Variants in NOSTRIN observed in about 807,000 individuals in gnomAD.
NOSTRIN encodes BM247 homolog.
In NOSTRIN, 63 loss-of-function variants were observed where a neutral mutation model predicts 59.0. That is an observed-to-expected ratio of 1.07 (90% CI 0.87 to 1.32). NOSTRIN has a LOEUF of 1.32. Among genes scored for constraint, NOSTRIN ranks in the 40% most tolerant of loss-of-function variants. The probability of loss-of-function intolerance (pLI) is 0.00; values close to 1 mark genes in which losing one functional copy is unlikely to be tolerated. For synonymous variants in NOSTRIN, 200 were observed against 165.4 expected (o/e 1.21, Z -1.61); for missense variants, 512 against 473.1 (o/e 1.08, Z -0.76).
upstream of NOSTRIN, among the ~76,000 whole-genome samples, chr2:168,797,379 G>A (rs1173083273): frequency 6.6e-6 from 1 of 152,014 alleles, no homozygotes; most frequent in African/African-American, 2.4e-5. Flanking sequence ...TAACAGGCAT[G>A]AGCTGCCACA....
At chr2:168,804,999 T>A (rs1465403566) in intron 1 of NOSTRIN, among the ~76,000 whole-genome samples, 1 of 152,194 alleles carries the variant, frequency 6.6e-6, no homozygotes, top group Non-Finnish European at 1.5e-5. Context: ...ATTTAGTATG[T>A]TAATAAAAAA....
intron 7 of NOSTRIN, among the ~76,000 whole-genome samples, 182 bp downstream of exon 7, chr2:168,834,507 G>GCGCGCACACACACACACACACACA (rs756381301): frequency 1.6e-5 from 2 of 125,342 alleles, no homozygotes; most frequent in African/African-American, 6.1e-5. Context: ...GCGCGCGCGC[G>GCGCGCACACACACACACACACACA]CACACACACA....
intron 7 of NOSTRIN, among the ~76,000 whole-genome samples, chr2:168,842,417 A>G (rs1258147965): frequency 1.3e-5 from 2 of 152,216 alleles, no homozygotes; most frequent in African/African-American, 4.8e-5. Flanking sequence ...AGTAAGGTTA[A>G]GTAACTTGTT....
chr2:168,840,946 C>T (rs1044594028), intron 7 of NOSTRIN, among the ~76,000 whole-genome samples: 4 of 151,980 alleles, frequency 2.6e-5, no homozygotes, highest in Non-Finnish European at 5.9e-5. Flanking sequence ...CAGGTCATTT[C>T]TAAATAGAGT....
At chr2:168,805,505 A>G (rs1303928036) in intron 1 of NOSTRIN, among the ~76,000 whole-genome samples, 2 of 152,208 alleles carry the variant, frequency 1.3e-5, no homozygotes, top group Non-Finnish European at 2.9e-5. Context: ...TCTCTAAGGG[A>G]AAGAATCCAA....
At chr2:168,824,915 G>A (rs180935712) in intron 3 of NOSTRIN, among the ~76,000 whole-genome samples, 198 bp downstream of exon 3, 1,629 of 151,718 alleles carry the variant, frequency 0.011, 19 homozygotes, top group Non-Finnish European at 0.018. Context: ...AGAGTAGCTG[G>A]GACCATGCCC....
chr2:168,822,861 C>A (rs934925655), intron 2 of NOSTRIN, among the ~76,000 whole-genome samples: 2 of 152,174 alleles, frequency 1.3e-5, no homozygotes, highest in Admixed American at 6.5e-5. Context: ...TGTTGGCTAC[C>A]ACTGCCGATT....
At chr2:168,819,402 T>G (rs963502890) in intron 2 of NOSTRIN, among the ~76,000 whole-genome samples, 2 of 152,198 alleles carry the variant, frequency 1.3e-5, no homozygotes, top group African/African-American at 4.8e-5. Context: ...AGTGTTTGTT[T>G]CCATTTGCAA....
Position 168,843,135 on chromosome 2 carries a change from A to C in NOSTRIN, c.630+18A>C. On this transcript the variant is annotated intron_variant, in intron 8 of 15. Transcript: ENST00000317647. ...GCTACCAGGTAAGTTATATATTCACATTTTTTTCTTCTTCTGTGGAGCTTT... is the reference window on the plus strand; with the variant it reads ...GCTACCAGGTAAGTTATATATTCACCTTTTTTTCTTCTTCTGTGGAGCTTT... The C allele has an allele frequency of 1.2e-6, 1 of 858,212 alleles. No individual in the cohort carries two copies. Among genetic ancestry groups the C allele is most frequent in the African/African-American group, 1.6e-5 (1 of 60,642 alleles). The allele number at this position is 858,212 out of a possible 1,614,324, so 53.2% of individuals were successfully genotyped here. A position where few individuals can be genotyped will look rare whatever the true frequency, so the allele number is the denominator to read the frequency against.
chr2:168,792,121 A>G (rs908391050), intron 2 of NOSTRIN, among the ~76,000 whole-genome samples: 10 of 152,166 alleles, frequency 6.6e-5, no homozygotes, highest in African/African-American at 7.2e-5. Context: ...TTTTAGGTCT[A>G]ACATGTAAGT....
At chr2:168,808,000 T>C (rs1226577389) in intron 1 of NOSTRIN, among the ~76,000 whole-genome samples, 1 of 152,214 alleles carries the variant, frequency 6.6e-6, no homozygotes, top group Non-Finnish European at 1.5e-5. Flanking sequence ...CCACTGCCAC[T>C]GAAGGCAATT....
chr2:168,851,419 G>A lies in NOSTRIN; in HGVS notation c.855+15G>A, dbSNP rs1559137143. The stretch of plus-strand genomic sequence containing the variant: ...CGGATTACTTTGTGAGTATGAAATG[G>A]AAAAAAAAAGTTACATTAATGGAGA... On this transcript the variant is annotated intron_variant, in intron 10 of 15. Transcript: ENST00000317647. 5.7e-6 allele frequency: 9 copies of A among 1,574,068 alleles called. No individual in the cohort carries two copies. Among genetic ancestry groups the A allele is most frequent in the Admixed American group, 4.0e-5 (2 of 49,700 alleles).
chr2:168,855,373 A>G lies in NOSTRIN; in HGVS notation c.877A>G (p.Met293Val). ...AAAGGAAGAAGATCCTAACAGTGCA[A>G]TGGATAAAGAGAGACGAAAGTCTTT... Reference protein sequence around the residue: ...DYFEEDPNSAMDKERRKSLLK... With the variant: ...DYFEEDPNSAVDKERRKSLLK... Residue 293 changes from methionine to valine, a missense_variant, in exon 11 of 16, where the codon ATG becomes GTG. Met to Val is a conservative substitution (Grantham distance 21, BLOSUM62 1). Coordinates refer to ENST00000317647, the MANE Select transcript of NOSTRIN (RefSeq NM_001039724.4). The G allele has an allele frequency of 6.3e-7, 1 of 1,597,526 alleles. No homozygotes were observed. The highest frequency in any genetic ancestry group is 8.6e-7 in the Non-Finnish European group (1 of 1,167,902).
intron 1 of NOSTRIN, chr2:168,787,100 G>C (rs1361114674): frequency 1.3e-5 from 2 of 152,176 alleles, no homozygotes; most frequent in Admixed American, 1.3e-4. Context: ...GCTCGTAACA[G>C]CTGCTTCTGG....
chr2:168,843,527 G>C (rs1688218383), intron 8 of NOSTRIN, among the ~76,000 whole-genome samples: 1 of 152,140 alleles, frequency 6.6e-6, no homozygotes, highest in African/African-American at 2.4e-5. Flanking sequence ...ATTGAATAAA[G>C]TAACATCTCA....
chr2:168,814,167 A>G (rs1686285087), intron 2 of NOSTRIN, among the ~76,000 whole-genome samples: 1 of 152,228 alleles, frequency 6.6e-6, no homozygotes, highest in South Asian at 2.1e-4. Flanking sequence ...GCAGGCAAAG[A>G]TACAGGCCAC....
chr2:168,830,681 G>A (rs368268340), intron 5 of NOSTRIN, among the ~76,000 whole-genome samples: 1 of 152,274 alleles, frequency 6.6e-6, no homozygotes, highest in East Asian at 1.9e-4. Context: ...CTGTTTAAAA[G>A]CAAGGGAAAA....
intron 7 of NOSTRIN, among the ~76,000 whole-genome samples, chr2:168,836,617 C>T (rs1245126110): frequency 3.9e-5 from 6 of 152,158 alleles, no homozygotes; most frequent in Admixed American, 6.6e-5. Flanking sequence ...CCACCAGAAG[C>T]TGATCTAAAC....
At chr2:168,863,981 G>A (rs1015826191) in intron 15 of NOSTRIN, among the ~76,000 whole-genome samples, 2 of 151,718 alleles carry the variant, frequency 1.3e-5, no homozygotes, top group African/African-American at 4.8e-5. Flanking sequence ...TGTGATCTTA[G>A]CTCACTGCAA....
Sources: gnomAD v4.1 joint callset for allele counts (sites outside exome capture counted in the v4.1 genomes callset) on GRCh38, gnomAD v4.1.1 for gene constraint, MANE v1.5 for transcripts, NCBI Gene and HGNC (gene_info 2026-07-23, HGNC 2026-07-21) for gene names.